ATP10B: variants seen among roughly 807,000 people sequenced by gnomAD.
The protein encoded by ATP10B is ATPase phospholipid transporting 10B (putative), also known as phospholipid-transporting ATPase VB.
ATP10B carries 122 observed loss-of-function variants against 141.2 expected under a neutral mutation model. The ratio of observed to expected loss-of-function variants is 0.86; its 90% CI spans 0.75 to 1.00. The LOEUF (loss-of-function observed/expected upper bound fraction) is 1.00, where lower values mean the gene tolerates loss of function less well. ATP10B is among the 50% of genes least tolerant of loss of function. The pLI is 0.00. For synonymous variants in ATP10B, 685 were observed against 692.0 expected (o/e 0.99, Z 0.16); for missense variants, 1,876 against 1,825.3 (o/e 1.03, Z -0.51).
At chr5:160,644,873 T>C (rs2127681138) in intron 8 of ATP10B, among the ~76,000 whole-genome samples, 1 of 152,196 alleles carries the variant, frequency 6.6e-6, no homozygotes. Context: ...ATCTCAGCAC[T>C]TTGGGAGGCC....
At chr5:160,572,188 G>GTTTT (rs3075519) in intron 24 of ATP10B, among the ~76,000 whole-genome samples, 2 of 150,894 alleles carry the variant, frequency 1.3e-5, no homozygotes, top group Non-Finnish European at 3.0e-5. Flanking sequence ...CTTTTAAAGA[G>GTTTT]TTTTTTTTTC....
At chr5:160,925,613 G>A in the ATP10B span, among the ~76,000 whole-genome samples, 1 of 152,212 alleles carries the variant, frequency 6.6e-6, no homozygotes. Flanking sequence ...TCATGCTTAT[G>A]TTATTAATTC....
intron 1 of ATP10B, among the ~76,000 whole-genome samples, chr5:160,802,733 G>A (rs1459683251): frequency 1.3e-5 from 2 of 152,190 alleles, no homozygotes; most frequent in Non-Finnish European, 2.9e-5. Flanking sequence ...CCTCCTGAAT[G>A]TGGAGACTGT....
In ATP10B at chr5:160,576,730, C is replaced by G. The variant is rs78316942; in HGVS notation, c.3751-7047G>C. Among the ~76,000 whole-genome samples, 17 of 152,210 alleles carry G rather than the reference C, an allele frequency of 1.1e-4. No individual in the cohort carries two copies. In the East Asian group the frequency reaches 2.7e-3, roughly 24 times the overall value. On this transcript the variant is annotated intron_variant, in intron 24 of 25. Coordinates refer to ENST00000327245, the MANE Select transcript of ATP10B (RefSeq NM_025153.3). Reference sequence around the variant, plus strand: ...ATTAGCAAATGCAGAGGCCTAGAAGCAAGAATAGGGTATTTGAGAACTAAA... The same window carrying G: ...ATTAGCAAATGCAGAGGCCTAGAAGGAAGAATAGGGTATTTGAGAACTAAA...
At chr5:160,602,797 G>T (rs1757168346) in intron 20 of ATP10B, 95 bp from the exon 21 acceptor site, 4 of 1,550,968 alleles carry the variant, frequency 2.6e-6, no homozygotes, top group Non-Finnish European at 3.5e-6. Context: ...TAGGCCTACG[G>T]CCAGCAGAGT....
At chr5:160,793,677 C>A (rs1479370763) in intron 1 of ATP10B, among the ~76,000 whole-genome samples, 1 of 152,154 alleles carries the variant, frequency 6.6e-6, no homozygotes, top group East Asian at 1.9e-4. Context: ...TTTATAAAGT[C>A]AACAGTAGTA....
At chr5:160,798,248 G>C (rs907048235) in intron 1 of ATP10B, among the ~76,000 whole-genome samples, 1 of 152,194 alleles carries the variant, frequency 6.6e-6, no homozygotes, top group Non-Finnish European at 1.5e-5. Flanking sequence ...GGTGAAGTTG[G>C]GGAAGGGAAG....
intron 2 of ATP10B, among the ~76,000 whole-genome samples, chr5:160,776,831 T>C (rs768177470): frequency 1.3e-5 from 2 of 152,236 alleles, no homozygotes; most frequent in Non-Finnish European, 2.9e-5. Flanking sequence ...CTGTGTGTTT[T>C]TGACACCCTG....
At chr5:160,609,353 G>A (rs1418176039) in intron 18 of ATP10B, among the ~76,000 whole-genome samples, 1 of 150,882 alleles carries the variant, frequency 6.6e-6, no homozygotes, top group East Asian at 1.9e-4. Flanking sequence ...AGAGATTTCT[G>A]TGTGGGGGAA....
chr5:160,631,468 G>C (rs1311741235), intron 13 of ATP10B, among the ~76,000 whole-genome samples: 1 of 152,240 alleles, frequency 6.6e-6, no homozygotes, highest in Non-Finnish European at 1.5e-5. Flanking sequence ...AAACAGCAAT[G>C]CCCATAAGGG....
chr5:160,743,816 G>T (rs1343248580), intron 2 of ATP10B, among the ~76,000 whole-genome samples: 1 of 152,054 alleles, frequency 6.6e-6, no homozygotes, highest in South Asian at 2.1e-4. Context: ...TTCACCTCAG[G>T]GGATATTTGG....
chr5:160,715,127 C>A (rs1765526792), intron 3 of ATP10B, among the ~76,000 whole-genome samples: 2 of 148,988 alleles, frequency 1.3e-5, no homozygotes, highest in South Asian at 4.4e-4. Flanking sequence ...CCTCCTTGAG[C>A]TGTGGTGGGC....
At chr5:160,689,320 A>C (rs1763940449) in intron 3 of ATP10B, among the ~76,000 whole-genome samples, 1 of 152,226 alleles carries the variant, frequency 6.6e-6, no homozygotes. Flanking sequence ...CCAGCACAAG[A>C]CAAGGATGCC....
At chr5:160,682,115 T>C (rs914540678) in intron 6 of ATP10B, among the ~76,000 whole-genome samples, 1 of 152,248 alleles carries the variant, frequency 6.6e-6, no homozygotes, top group Non-Finnish European at 1.5e-5. Flanking sequence ...CAATTATTTT[T>C]GTATACTTGA....
At chr5:160,678,642 C>G (rs1763187428) in intron 6 of ATP10B, among the ~76,000 whole-genome samples, 1 of 152,098 alleles carries the variant, frequency 6.6e-6, no homozygotes, top group Non-Finnish European at 1.5e-5. Flanking sequence ...GGGCTCAAAA[C>G]AAAACAAAAC....
the ATP10B span, among the ~76,000 whole-genome samples, chr5:160,896,408 A>G: frequency 2.0e-5 from 3 of 152,216 alleles, no homozygotes; most frequent in South Asian, 4.1e-4. Context: ...AGAGAATACT[A>G]TAAACACCTC....
At chr5:160,746,104 T>C (rs1767787927) in intron 2 of ATP10B, among the ~76,000 whole-genome samples, 2 of 152,236 alleles carry the variant, frequency 1.3e-5, no homozygotes, top group African/African-American at 4.8e-5. Flanking sequence ...GCATTATTGA[T>C]TAGCTGATGT....
At chr5:160,634,036 G>A (rs996429141) in intron 12 of ATP10B, 3 of 420,080 alleles carry the variant, frequency 7.1e-6, no homozygotes, top group African/African-American at 6.1e-5. Flanking sequence ...GCACACAATT[G>A]GGAAATGTCT....
chr5:160,830,708 T>C (rs894177215), intron 1 of ATP10B, among the ~76,000 whole-genome samples: 4 of 151,934 alleles, frequency 2.6e-5, no homozygotes, highest in Non-Finnish European at 5.9e-5. Flanking sequence ...ATCTGTAGAG[T>C]AGATTTTTAT....
Sources: gnomAD v4.1 joint callset for allele counts (sites outside exome capture counted in the v4.1 genomes callset) on GRCh38, gnomAD v4.1.1 for gene constraint, MANE v1.5 for transcripts, NCBI Gene and HGNC (gene_info 2026-07-23, HGNC 2026-07-21) for gene names.